POLR1F: variants seen among roughly 807,000 people sequenced by gnomAD.
POLR1F encodes the protein DNA-directed RNA polymerase I subunit RPA43.
Under a neutral mutation model 21.8 loss-of-function variants are expected in POLR1F, and 23 were observed. The observed-to-expected ratio is 1.05, with a 90% CI of 0.76 to 1.49. The LOEUF (loss-of-function observed/expected upper bound fraction) is 1.49. Ranked by LOEUF, POLR1F falls within the 40% of genes most tolerant of loss-of-function variation. The probability of loss-of-function intolerance (pLI) is 0.00; values close to 1 mark genes in which losing one functional copy is unlikely to be tolerated. For synonymous variants in POLR1F, 162 were observed against 152.8 expected (o/e 1.06, Z -0.45); for missense variants, 435 against 412.1 (o/e 1.06, Z -0.48).
chr7:19,708,880 G>GCCCCCC lies in POLR1F; in HGVS notation c.136_137insGGGGGG (p.Ser46delinsTrpGlyAla). ...TTGGTGCGGCCCGGCCACCAGGCAT[G>GCCCCCC]AGTAGCGACTGTTCACCAGCGCACA... On this transcript the variant is annotated protein_altering_variant, in exon 1 of 4. Coordinates refer to ENST00000222567, the MANE Select transcript of POLR1F (RefSeq NM_001002926.2). 6.2e-7 allele frequency: 1 copy of GCCCCCC among 1,614,204 alleles called. No individual in the cohort carries two copies. Among genetic ancestry groups the GCCCCCC allele is most frequent in the East Asian group, 2.2e-5 (1 of 44,880 alleles).
Position 19,697,038 on chromosome 7 carries a change from A to G in POLR1F, c.*1278T>C, listed in dbSNP as rs1382689205. The G allele has an allele frequency of 6.6e-6, 1 of 152,090 alleles. No homozygotes were observed. The highest frequency in any genetic ancestry group is 1.5e-5 in the Non-Finnish European group (1 of 67,952). 9.4% of individuals were successfully genotyped at this position (152,090 alleles called of 1,614,324 possible). Reference sequence around the variant, plus strand: ...TTGTAAGTTCAGATCAACATATACCACTAGCAGAATTTATTCATTACCAAA... The same window carrying G: ...TTGTAAGTTCAGATCAACATATACCGCTAGCAGAATTTATTCATTACCAAA... On this transcript the variant is annotated 3_prime_UTR_variant, in exon 4 of 4. Coordinates refer to ENST00000222567, the MANE Select transcript of POLR1F (RefSeq NM_001002926.2).
rs1783394079 is a variant in POLR1F, at chr7:19,698,039, A to G, written c.*277T>C. On this transcript the variant is annotated 3_prime_UTR_variant, in exon 4 of 4. Transcript: ENST00000222567. ...GGCTAGTCTTGACATTGTAGAAATA[A>G]TTTTATGTAGAGTGCAAAACCTGGA... 3.7e-6 allele frequency: 1 copy of G among 266,962 alleles called. No homozygotes were observed. The highest frequency in any genetic ancestry group is 5.1e-5 in the Admixed American group (1 of 19,596). The allele number at this position is 266,962 out of a possible 1,614,324, so 16.5% of individuals were successfully genotyped here.
chr7:19,698,460 G>A lies in POLR1F; in HGVS notation c.873C>T (p.Asp291=). 6.2e-7 allele frequency: 1 copy of A among 1,612,560 alleles called. No individual in the cohort carries two copies. Among genetic ancestry groups the A allele is most frequent in the Non-Finnish European group, 8.5e-7 (1 of 1,179,566 alleles). The change falls in exon 4 of 4, where the codon GAC becomes GAT. Residue 291 remains aspartate, a synonymous_variant. Transcript: ENST00000222567. ...TGGAGTCACTGCCTTGGAAAACAGG[G>A]TCCTGGTCCTGAACTTCCTGGTGCT... is the stretch of plus-strand genomic sequence containing the variant. The part of the protein sequence containing the change: ...KKKHQEVQDQ[D]PVFQGSDSSG...
In POLR1F at chr7:19,696,462, G is replaced by T. The variant is rs1053833568; in HGVS notation, c.*1854C>A. The stretch of plus-strand genomic sequence containing the variant: ...ATAGCATAAATTTGCCATCTTTCTT[G>T]TGTCTATGGAAAAGGGGTTTAGAAT... On this transcript the variant is annotated 3_prime_UTR_variant, in exon 4 of 4. Transcript: ENST00000222567. 3 of 151,998 alleles carry T rather than the reference G, an allele frequency of 2.0e-5. No individual in the cohort carries two copies. The highest frequency in any genetic ancestry group is 7.2e-5 in the African/African-American group (3 of 41,388). 9.4% of individuals were successfully genotyped at this position (151,998 alleles called of 1,614,324 possible).
intron 3 of POLR1F, among the ~76,000 whole-genome samples, chr7:19,699,167 T>C (rs1199101562): frequency 2.0e-5 from 3 of 152,182 alleles, no homozygotes; most frequent in Non-Finnish European, 4.4e-5. Context: ...CAATGGAGTT[T>C]CCAGTCTACT....
chr7:19,708,362 G>A (rs946118452), intron 1 of POLR1F, among the ~76,000 whole-genome samples: 1 of 152,198 alleles, frequency 6.6e-6, no homozygotes, highest in African/African-American at 2.4e-5. Flanking sequence ...ATCTACTCAA[G>A]CACTGCAAAC....
chr7:19,695,780 A>G lies in POLR1F; in HGVS notation c.*2536T>C, dbSNP rs927296034. 1 of 152,168 alleles carries G rather than the reference A, an allele frequency of 6.6e-6. No individual in the cohort carries two copies. The highest frequency in any genetic ancestry group is 2.4e-5 in the African/African-American group (1 of 41,460). The allele number at this position is 152,168 out of a possible 1,614,324, so 9.4% of individuals were successfully genotyped here. ...GTGCCTGAGGTCTTTTACATTAGAT[A>G]ACTTCTTAGTCCTCTGTCAGGTTCT... On this transcript the variant is annotated 3_prime_UTR_variant, in exon 4 of 4. Transcript: ENST00000222567.
intron 2 of POLR1F, among the ~76,000 whole-genome samples, chr7:19,702,276 C>T (rs375615571): frequency 6.6e-6 from 1 of 152,018 alleles, no homozygotes; most frequent in African/African-American, 2.4e-5. Context: ...TTTCTGTAAA[C>T]CTAAAACTGC....
chr7:19,705,003 AC>A, intron 1 of POLR1F, 83 bp from the exon 2 acceptor site: 1 of 1,398,816 alleles, frequency 7.1e-7, no homozygotes. Context: ...TTGCTCTGTC[AC>A]CCAGGATAGG....
rs201476769 is a variant in POLR1F at position 19,708,732 on chromosome 7, C to A, written c.254+31G>T. 536 of 1,586,332 alleles carry A rather than the reference C, an allele frequency of 3.4e-4. 3 individuals are homozygous for A. The highest frequency in any genetic ancestry group is 6.1e-5 in the Non-Finnish European group (71 of 1,159,282). Reference sequence around the variant, plus strand: ...ATCCACCTGCTTTACTTCCCGTGCACAAAAGAAGGAACAGGCAAAGAGATC... The same window carrying A: ...ATCCACCTGCTTTACTTCCCGTGCAAAAAAGAAGGAACAGGCAAAGAGATC... On this transcript the variant is annotated intron_variant, in intron 1 of 3. Transcript: ENST00000222567.
chr7:19,700,474 C>A (rs1285540362), intron 2 of POLR1F, 194 bp from the exon 3 acceptor site: 2 of 566,594 alleles, frequency 3.5e-6, no homozygotes, highest in Non-Finnish European at 6.3e-6. Flanking sequence ...TAGAATACCA[C>A]TGGGTTTTGA....
At chr7:19,707,881 C>G (rs1000016705) in intron 1 of POLR1F, among the ~76,000 whole-genome samples, 3 of 152,058 alleles carry the variant, frequency 2.0e-5, no homozygotes. Flanking sequence ...GTCCAGGATC[C>G]CTTAAGAAAC....
chr7:19,706,300 A>G lies in POLR1F; in HGVS notation c.255-1380T>C, dbSNP rs138366717. On this transcript the variant is annotated intron_variant, in intron 1 of 3. Transcript: ENST00000222567. Reference sequence around the variant, plus strand: ...CTGGAATCATCCTATCACTAAGACAATGTTAGGGACACAGAAAACAGAGAA... The same window carrying G: ...CTGGAATCATCCTATCACTAAGACAGTGTTAGGGACACAGAAAACAGAGAA... 1.9e-3 allele frequency among the ~76,000 whole-genome samples: 292 copies of G among 152,302 alleles called. 1 individual carries two copies. Among genetic ancestry groups the G allele is most frequent in the African/African-American group, 6.9e-3 (285 of 41,568 alleles).
chr7:19,708,978 C>A lies in POLR1F; in HGVS notation c.39G>T (p.Ala13=). Residue 13 remains alanine, a synonymous_variant, in exon 1 of 4, where the codon GCG becomes GCT. Coordinates refer to ENST00000222567, the MANE Select transcript of POLR1F (RefSeq NM_001002926.2). ...GCCCTACCAGAGACCCATCAGAAGC[C>A]GCCGCTGGCCGCGGCGCCTCTGAGC... ...AGCSEAPRPA[A]ASDGSLVGQA... 6.3e-7 allele frequency: 1 copy of A among 1,597,208 alleles called. No homozygotes were observed. Among genetic ancestry groups the A allele is most frequent in the Non-Finnish European group, 8.5e-7 (1 of 1,170,094 alleles).
Position 19,704,858 on chromosome 7 carries a change from T to C in POLR1F, c.317A>G (p.Tyr106Cys). ...AAGATGAATGTGTCCTTGATCATCA[T>C]AAATATCTCCAAGCTCTCCCACAAC... ...IKVVGELGDI[Y>C]DDQGHIHLNI... Residue 106 changes from tyrosine (Y) to cysteine (C), a missense_variant, in exon 2 of 4, where the codon TAT (tyrosine) becomes TGT (cysteine). Physicochemically the swap from Tyr to Cys is radical, Grantham distance 194. Coordinates refer to ENST00000222567, the MANE Select transcript of POLR1F (RefSeq NM_001002926.2). 1.2e-6 allele frequency: 2 copies of C among 1,608,864 alleles called. No homozygotes were observed. The highest frequency in any genetic ancestry group is 1.7e-6 in the Non-Finnish European group (2 of 1,178,036).
At chr7:19,704,559 G>A (rs2128006845) in intron 2 of POLR1F, among the ~76,000 whole-genome samples, 1 of 152,172 alleles carries the variant, frequency 6.6e-6, no homozygotes, top group East Asian at 1.9e-4. Flanking sequence ...AGAATAAAGT[G>A]GATGGGACAT....
In POLR1F at chr7:19,708,867, G is replaced by T; in HGVS notation, c.150C>A (p.Ala50=). 2 of 1,614,192 alleles carry T rather than the reference G, an allele frequency of 1.2e-6. No individual in the cohort carries two copies. The highest frequency in any genetic ancestry group is 1.7e-6 in the Non-Finnish European group (2 of 1,180,036). The change falls in exon 1 of 4, where the codon GCC becomes GCA. Residue 50 remains alanine, a synonymous_variant. Transcript: ENST00000222567. ...GCGCGATGTGCCTTTGGTGCGGCCC[G>T]GCCACCAGGCATGAGTAGCGACTGT... The part of the protein sequence containing the change: ...LVNSRYSCLV[A]GPHQRHIALS...
In POLR1F at chr7:19,706,290, C is replaced by A. The variant is rs183361447; in HGVS notation, c.255-1370G>T. ...CATTCCTAAGCTGGAATCATCCTATCACTAAGACAATGTTAGGGACACAGA... is the reference window on the plus strand; with the variant it reads ...CATTCCTAAGCTGGAATCATCCTATAACTAAGACAATGTTAGGGACACAGA... On this transcript the variant is annotated intron_variant, in intron 1 of 3. Transcript: ENST00000222567. 2.0e-4 allele frequency among the ~76,000 whole-genome samples: 30 copies of A among 152,280 alleles called. No individual in the cohort carries two copies. The East Asian group carries it at 5.4e-3, about 27-fold the overall frequency.
chr7:19,706,463 G>A (rs532396353), intron 1 of POLR1F, among the ~76,000 whole-genome samples: 2 of 152,282 alleles, frequency 1.3e-5, no homozygotes, highest in Admixed American at 6.5e-5. Flanking sequence ...GGTGGAAGGG[G>A]GGACATGTGG....
Sources: allele counts gnomAD v4.1 joint callset (sites outside exome capture counted in the v4.1 genomes callset), GRCh38; gene constraint gnomAD v4.1.1; transcripts MANE v1.5; gene names NCBI Gene and HGNC (gene_info 2026-07-23, HGNC 2026-07-21).